KLHL8: variants seen among roughly 807,000 people sequenced by gnomAD.
KLHL8 encodes the protein kelch-like protein 8.
Under a neutral mutation model 63.5 loss-of-function variants are expected in KLHL8, and 38 were observed. The observed-to-expected ratio is 0.60, with a 90% confidence interval of 0.46 to 0.78. The LOEUF is 0.78. Ranked by LOEUF, KLHL8 falls within the 30% of genes least tolerant of loss-of-function variation. The pLI is 0.00. For synonymous variants in KLHL8, 224 were observed against 254.3 expected (o/e 0.88, Z 1.13); for missense variants, 566 against 752.4 (o/e 0.75, Z 2.90).
At chr4:87,207,127 T>C in intron 1 of KLHL8, 1 of 541,030 alleles carries the variant, frequency 1.8e-6, no homozygotes, top group Non-Finnish European at 3.5e-6. Flanking sequence ...TTGGTCGTAT[T>C]GGATGCCTGG....
chr4:87,208,681 A>G (rs1045360302), intron 1 of KLHL8, among the ~76,000 whole-genome samples: 2 of 152,106 alleles, frequency 1.3e-5, no homozygotes, highest in Non-Finnish European at 2.9e-5. Flanking sequence ...TGTGTCCTAT[A>G]TGAGTATTAT....
upstream of KLHL8, among the ~76,000 whole-genome samples, chr4:87,224,988 G>A (rs988747270): frequency 2.6e-5 from 4 of 152,074 alleles, no homozygotes; most frequent in Non-Finnish European, 2.9e-5. Flanking sequence ...ATGTTGCCAC[G>A]GCTGGTCTTG....
chr4:87,239,323 G>A (rs1733289034), intron 1 of KLHL8, among the ~76,000 whole-genome samples: 2 of 152,290 alleles, frequency 1.3e-5, no homozygotes, highest in South Asian at 4.1e-4. Flanking sequence ...ATTCAAGTGG[G>A]AAATGGAGCA....
In KLHL8 at chr4:87,203,465, G is replaced by A. The variant is rs79539629; in HGVS notation, c.-151-7775C>T. Reference sequence around the variant, plus strand: ...GAATGGCGTGAACCTGGGAGGCGGAGCTTGCAGTGAGCCAAAATGTGCCAC... The same window carrying A: ...GAATGGCGTGAACCTGGGAGGCGGAACTTGCAGTGAGCCAAAATGTGCCAC... On this transcript the variant is annotated intron_variant, in intron 1 of 9. Coordinates refer to ENST00000273963, the MANE Select transcript of KLHL8 (RefSeq NM_020803.5). 5.4e-4 allele frequency among the ~76,000 whole-genome samples: 82 copies of A among 151,376 alleles called. No individual in the cohort carries two copies. The East Asian group carries it at 0.015, about 27-fold the overall frequency.
At chr4:87,234,264 T>C (rs896092898) in intron 1 of KLHL8, among the ~76,000 whole-genome samples, 1 of 151,936 alleles carries the variant, frequency 6.6e-6, no homozygotes, top group East Asian at 1.9e-4. Context: ...ATGGTAAAAC[T>C]GCATCTCTAC....
rs771339978 is a variant in KLHL8, at chr4:87,163,850, TA to T, written c.1739+27del. 3.1e-6 allele frequency: 5 copies of T among 1,602,896 alleles called. No individual in the cohort carries two copies. In the South Asian group the frequency reaches 4.4e-5, roughly 14 times the overall value. On this transcript the variant is annotated intron_variant, in intron 9 of 9. Transcript: ENST00000273963. Reference sequence around the variant, plus strand: ...TCTACTATTATACCAGAAGATAATATAAAGCACGGAGACAACATGTAAATTA... The same window carrying T: ...TCTACTATTATACCAGAAGATAATATAAGCACGGAGACAACATGTAAATTA...
intron 2 of KLHL8, among the ~76,000 whole-genome samples, chr4:87,189,653 A>C (rs1054915663): frequency 6.6e-6 from 1 of 152,104 alleles, no homozygotes; most frequent in South Asian, 2.1e-4. Flanking sequence ...CTTTCATTTC[A>C]ATAAATCTGT....
At chr4:87,177,513 C>CACAA (rs199909317) in intron 5 of KLHL8, among the ~76,000 whole-genome samples, 12 of 150,866 alleles carry the variant, frequency 8.0e-5, no homozygotes, top group East Asian at 3.9e-4. Context: ...TCAAAAAAAA[C>CACAA]ACAAACAAAC....
At chr4:87,206,246 C>T (rs988992084) in intron 1 of KLHL8, among the ~76,000 whole-genome samples, 9 of 152,208 alleles carry the variant, frequency 5.9e-5, no homozygotes, top group Non-Finnish European at 1.2e-4. Context: ...GTGACTTCCC[C>T]TAACCAATCA....
intron 1 of KLHL8, among the ~76,000 whole-genome samples, chr4:87,203,087 T>C (rs1157245480): frequency 2.6e-5 from 4 of 151,928 alleles, no homozygotes; most frequent in Non-Finnish European, 5.9e-5. Flanking sequence ...AAAAACCACA[T>C]AGGAAGTAAA....
intron 1 of KLHL8, among the ~76,000 whole-genome samples, chr4:87,238,021 C>T (rs1733264582): frequency 6.6e-6 from 1 of 152,238 alleles, no homozygotes; most frequent in South Asian, 2.1e-4. Flanking sequence ...CTGCAACCTC[C>T]TTCTCCTGAG....
At chr4:87,230,538 A>G (rs1422679033) in intron 1 of KLHL8, among the ~76,000 whole-genome samples, 1 of 152,222 alleles carries the variant, frequency 6.6e-6, no homozygotes, top group African/African-American at 2.4e-5. Flanking sequence ...AATTCCACGT[A>G]TGACCTACTT....
At position 87,163,370 on chromosome 4, in the gene KLHL8, C is replaced by T; in HGVS notation, c.*149G>A. 4.4e-6 allele frequency: 3 copies of T among 684,564 alleles called. No individual in the cohort carries two copies. Among genetic ancestry groups the T allele is most frequent in the Non-Finnish European group, 6.9e-6 (3 of 435,190 alleles). The allele number at this position is 684,564 out of a possible 1,614,324, so 42.4% of individuals were successfully genotyped here. The stretch of plus-strand genomic sequence containing the variant: ...ACTAATAATTCTTCAGGTATCATTC[C>T]AAAAGTTGTACTTAGTCACAATACA... On this transcript the variant is annotated 3_prime_UTR_variant, in exon 10 of 10. Transcript: ENST00000273963.
At chr4:87,200,352 C>A (rs902687890) in intron 1 of KLHL8, among the ~76,000 whole-genome samples, 6 of 152,024 alleles carry the variant, frequency 3.9e-5, no homozygotes, top group Non-Finnish European at 7.4e-5. Flanking sequence ...TGTACATCCT[C>A]CTACATATTT....
intron 1 of KLHL8, among the ~76,000 whole-genome samples, chr4:87,232,396 C>A (rs1396563524): frequency 6.6e-6 from 1 of 152,196 alleles, no homozygotes; most frequent in Non-Finnish European, 1.5e-5. Flanking sequence ...CATACTATTT[C>A]ATCATATGAA....
intron 1 of KLHL8, among the ~76,000 whole-genome samples, chr4:87,226,937 A>G (rs1481267730): frequency 3.4e-4 from 17 of 49,700 alleles, no homozygotes; most frequent in South Asian, 1.9e-3. Flanking sequence ...TTATATATAA[A>G]TAATATATAT....
intron 6 of KLHL8, among the ~76,000 whole-genome samples, chr4:87,174,428 G>A (rs967463459): frequency 4.0e-5 from 6 of 151,894 alleles, no homozygotes; most frequent in Admixed American, 2.6e-4. Flanking sequence ...ACAGGCACCC[G>A]CCACCACGCC....
chr4:87,198,851 TACA>T (rs892411432), intron 1 of KLHL8, among the ~76,000 whole-genome samples: 5 of 152,230 alleles, frequency 3.3e-5, no homozygotes, highest in African/African-American at 1.2e-4. Context: ...TGGCATTATT[TACA>T]ACAACCAAGA....
chr4:87,234,796 T>C (rs563823159), intron 1 of KLHL8, among the ~76,000 whole-genome samples: 1 of 152,282 alleles, frequency 6.6e-6, no homozygotes, highest in African/African-American at 2.4e-5. Flanking sequence ...CAACTCCATG[T>C]GGGTTATTGC....
Sources: gnomAD v4.1 joint callset for allele counts (sites outside exome capture counted in the v4.1 genomes callset) on GRCh38, gnomAD v4.1.1 for gene constraint, MANE v1.5 for transcripts, NCBI Gene and HGNC (gene_info 2026-07-23, HGNC 2026-07-21) for gene names.